Variants in TASOR2 observed in about 807,000 individuals in gnomAD.
TASOR2 encodes the protein transcription activation suppressor family member 2, also known as protein TASOR 2.
Under a neutral mutation model 199.5 loss-of-function variants are expected in TASOR2, and 84 were observed. The observed-to-expected ratio is 0.42, with a 90% CI of 0.35 to 0.50. The LOEUF (loss-of-function observed/expected upper bound fraction) is 0.50, where lower values mean the gene tolerates loss of function less well. Among genes scored for constraint, TASOR2 ranks in the 20% least tolerant of loss-of-function variants. The pLI is 0.02. For synonymous variants in TASOR2, 1,103 were observed against 1,046.6 expected, an observed-to-expected ratio of 1.05 and a Z score of -1.04; for missense variants, 2,796 against 2,835.9, an observed-to-expected ratio of 0.99 and a Z score of 0.32.
Position 5,720,840 on chromosome 10 carries a change from A to C in TASOR2, c.47-31A>C. The C allele has an allele frequency of 6.3e-7, 1 of 1,594,260 alleles. No individual in the cohort carries two copies. On this transcript the variant is annotated intron_variant, in intron 5 of 20. Transcript: ENST00000328090. The surrounding 1 kb of genome is among the most constrained non-coding windows in gnomAD (Gnocchi z 5.3). The stretch of plus-strand genomic sequence containing the variant: ...TTGAGTAAATGTTTCATCATAAATA[A>C]TCAGTTTCTTTTTTACCTTCATTTC...
rs774188284 is a variant in TASOR2, at chr10:5,730,907, T to C, written c.908T>C (p.Met303Thr). The C allele has an allele frequency of 2.2e-5, 35 of 1,614,222 alleles. 2 individuals are homozygous for C. The South Asian group carries it at 3.2e-4, about 15-fold the overall frequency. Reference sequence around the variant, plus strand: ...TGTGATGCTGGATTTTCCTTAGTTATGACTCCAGATCCTGAATTTCTTGTC... The same window carrying C: ...TGTGATGCTGGATTTTCCTTAGTTACGACTCCAGATCCTGAATTTCTTGTC... Residue 303 changes from methionine (M) to threonine (T), a missense_variant, in exon 11 of 21, where the codon ATG becomes ACG. By Grantham distance (81) the Met-to-Thr change is moderately conservative. Transcript: ENST00000328090. This position sits in a 1 kb window ranked among gnomAD's most constrained non-coding sequence, Gnocchi z 4.1.
Position 5,748,299 on chromosome 10 carries a change from T to C in TASOR2, c.4878T>C (p.Asp1626=), listed in dbSNP as rs1458918187. ...TCTTTCCCGGTGATTTGAAAACAGA[T>C]GAAGGCATTTATCTGCAGGTGAAGT... The change falls in exon 15 of 21, where the codon GAT becomes GAC. Residue 1626 remains aspartate, a synonymous_variant. Coordinates refer to ENST00000328090, the Ensembl canonical transcript of TASOR2. This position sits in a 1 kb window ranked among gnomAD's most constrained non-coding sequence, Gnocchi z 5.1. The C allele has an allele frequency of 1.2e-6, 2 of 1,614,104 alleles. No homozygotes were observed. The highest frequency in any genetic ancestry group is 1.7e-6 in the Non-Finnish European group (2 of 1,180,050).
Position 5,730,394 on chromosome 10 carries a change from C to G in TASOR2, c.488-93C>G, listed in dbSNP as rs1273725323. On this transcript the variant is annotated intron_variant, in intron 10 of 20. Coordinates refer to ENST00000328090, the Ensembl canonical transcript of TASOR2. The surrounding 1 kb of genome is among the most constrained non-coding windows in gnomAD (Gnocchi z 4.1). ...GAAATACTATAACATATTTAACCAT[C>G]ACATAATTTTGAAATCTAAAGCTTT... The G allele has an allele frequency of 2.1e-6, 2 of 931,088 alleles. No homozygotes were observed. The highest frequency in any genetic ancestry group is 3.2e-6 in the Non-Finnish European group (2 of 628,410). The allele number at this position is 931,088 out of a possible 1,614,324, so 57.7% of individuals were successfully genotyped here.
At chr10:5,703,480 T>C (rs187383571) in intron 1 of TASOR2, among the ~76,000 whole-genome samples, 54 of 151,052 alleles carry the variant, frequency 3.6e-4, no homozygotes, top group Admixed American at 2.2e-3. Context: ...ATTTTATATA[T>C]ATTGCTAGTT....
At chr10:5,762,843 C>T (rs146389061) in intron 20 of TASOR2, 186 bp from the exon 22 acceptor site, 4 of 633,162 alleles carry the variant, frequency 6.3e-6, no homozygotes, top group Non-Finnish European at 1.1e-5. Context: ...ATGAAGTAAC[C>T]ATCTACTAAA....
At chr10:5,723,043 CTTTTTTT>C (rs1183983010) in intron 6 of TASOR2, among the ~76,000 whole-genome samples, 5 of 72,896 alleles carry the variant, frequency 6.9e-5, no homozygotes, top group Non-Finnish European at 1.2e-4. Context: ...CAGGAAATAA[CTTTTTTT>C]TTTTTTTTTT....
rs757845007 is a variant in TASOR2 at position 5,740,101 on chromosome 10, C to T, written c.1931C>T (p.Ala644Val). The stretch of plus-strand genomic sequence containing the variant: ...GAGGAAATGCTAGAATCTTCAGATG[C>T]AAGCCAAAGCTCTTCTGTTTCTGTG... The change falls in exon 13 of 21, where the codon GCA becomes GTA. Residue 644 changes from alanine to valine, a missense_variant. Ala to Val is a moderately conservative substitution (Grantham distance 64, BLOSUM62 0). Transcript: ENST00000328090. The surrounding 1 kb of genome is among the most constrained non-coding windows in gnomAD (Gnocchi z 5.3). 2 of 1,614,082 alleles carry T rather than the reference C, an allele frequency of 1.2e-6. No homozygotes were observed. Among genetic ancestry groups the T allele is most frequent in the Admixed American group, 1.7e-5 (1 of 60,008 alleles).
rs1836296125 is a variant in TASOR2, at chr10:5,690,462, C to G, written c.-288+5287C>G. 6.6e-6 allele frequency among the ~76,000 whole-genome samples: 1 copy of G among 152,194 alleles called. No homozygotes were observed. The highest frequency in any genetic ancestry group is 1.5e-5 in the Non-Finnish European group (1 of 68,034). ...CAAGATCCCAATGCCTGAGGTTTGT[C>G]CAGTTGGGGCACCTACTTTACCCTT... On this transcript the variant is annotated intron_variant, in intron 1 of 20. Coordinates refer to ENST00000328090, the Ensembl canonical transcript of TASOR2. This position sits in a 1 kb window ranked among gnomAD's most constrained non-coding sequence, Gnocchi z 4.8.
At chr10:5,708,007 G>T (rs1263472671) in intron 1 of TASOR2, among the ~76,000 whole-genome samples, 1 of 152,024 alleles carries the variant, frequency 6.6e-6, no homozygotes, top group African/African-American at 2.4e-5. Flanking sequence ...TATCAACATA[G>T]CTACTTTTCC....
chr10:5,757,196 C>T (rs1472939871), intron 16 of TASOR2, among the ~76,000 whole-genome samples: 2 of 152,238 alleles, frequency 1.3e-5, no homozygotes, highest in South Asian at 2.1e-4. Context: ...GAGCTGGAGA[C>T]GAATGACGGC....
rs1835839105 is a variant in TASOR2, at chr10:5,737,800, A to G, written c.1448-1818A>G. 6.6e-6 allele frequency among the ~76,000 whole-genome samples: 1 copy of G among 152,194 alleles called. No individual in the cohort carries two copies. The highest frequency in any genetic ancestry group is 1.5e-5 in the Non-Finnish European group (1 of 68,038). On this transcript the variant is annotated intron_variant, in intron 12 of 20. Transcript: ENST00000328090. This position sits in a 1 kb window ranked among gnomAD's most constrained non-coding sequence, Gnocchi z 4.9. The stretch of plus-strand genomic sequence containing the variant: ...TGTACTGAATTGGCTTCAGATGTTT[A>G]TTGACAAATTGATTAATGCGAGGAG...
rs113907148 is a variant in TASOR2 at position 5,698,631 on chromosome 10, G to A, written c.-288+13456G>A. Reference sequence around the variant, plus strand: ...TCTATGGCTGTTTTTATGCTCTACCGGTAGAGATGAGTAGTTGTGACAGAG... The same window carrying A: ...TCTATGGCTGTTTTTATGCTCTACCAGTAGAGATGAGTAGTTGTGACAGAG... On this transcript the variant is annotated intron_variant, in intron 1 of 20. Coordinates refer to ENST00000328090, the Ensembl canonical transcript of TASOR2. The surrounding 1 kb of genome is among the most constrained non-coding windows in gnomAD (Gnocchi z 4.4). 1.8e-3 allele frequency among the ~76,000 whole-genome samples: 274 copies of A among 152,168 alleles called. 2 individuals carry two copies. Among genetic ancestry groups the A allele is most frequent in the Non-Finnish European group, 3.0e-3 (203 of 68,002 alleles).
At chr10:5,709,906 C>T (rs1026444617) in intron 1 of TASOR2, among the ~76,000 whole-genome samples, 6 of 152,142 alleles carry the variant, frequency 3.9e-5, no homozygotes, top group African/African-American at 1.2e-4. Context: ...CTCACATGCT[C>T]TTTATTCATC....
chr10:5,728,131 G>C (rs1354423101), intron 10 of TASOR2, among the ~76,000 whole-genome samples: 1 of 151,586 alleles, frequency 6.6e-6, no homozygotes, highest in Non-Finnish European at 1.5e-5. Flanking sequence ...TCAGGTGGGA[G>C]GATCGCTTGA....
chr10:5,743,113 T>C (rs2131618265), intron 14 of TASOR2, among the ~76,000 whole-genome samples: 1 of 152,346 alleles, frequency 6.6e-6, no homozygotes, highest in African/African-American at 2.4e-5. Flanking sequence ...GGAGCAAATC[T>C]AAAAGTTGTT....
At chr10:5,705,413 G>A (rs1338916083) in intron 1 of TASOR2, among the ~76,000 whole-genome samples, 1 of 152,126 alleles carries the variant, frequency 6.6e-6, no homozygotes, top group Non-Finnish European at 1.5e-5. Flanking sequence ...GTTGCTTCCA[G>A]TTTTAGGCTA....
chr10:5,745,079 A>G (rs1836992007), intron 14 of TASOR2, among the ~76,000 whole-genome samples: 2 of 152,206 alleles, frequency 1.3e-5, no homozygotes, highest in South Asian at 4.1e-4. Flanking sequence ...ATTTTATTAT[A>G]TGCTCGACAA....
rs1362211019 is a variant in TASOR2, at chr10:5,730,180, C to T, written c.488-307C>T. ...TACTGCTGTGATGAACCATTGAGCT[C>T]ATGAGCTCCTTGTTAGGTGAGATGG... is the stretch of plus-strand genomic sequence containing the variant. On this transcript the variant is annotated intron_variant, in intron 10 of 20. Coordinates refer to ENST00000328090, the Ensembl canonical transcript of TASOR2. This position sits in a 1 kb window ranked among gnomAD's most constrained non-coding sequence, Gnocchi z 4.1. Among the ~76,000 whole-genome samples, 1 of 152,178 alleles carries T rather than the reference C, an allele frequency of 6.6e-6. No individual in the cohort carries two copies. Among genetic ancestry groups the T allele is most frequent in the African/African-American group, 2.4e-5 (1 of 41,442 alleles).
At position 5,762,486 on chromosome 10, in the gene TASOR2, ACATT is replaced by A. The variant is rs1353026312; in HGVS notation, c.7175-45_7175-42del. ...AAACCAGGTCCTGTTATATAAAAGT[ACATT>A]AATTATATTAACCAAAAGTTGTTTT... On this transcript the variant is annotated intron_variant, in intron 19 of 20. Coordinates refer to ENST00000328090, the Ensembl canonical transcript of TASOR2. The A allele has an allele frequency of 6.0e-6, 3 of 498,566 alleles. 1 individual carries two copies. The highest frequency in any genetic ancestry group is 9.7e-6 in the Non-Finnish European group (3 of 307,978). The allele number at this position is 498,566 out of a possible 1,614,324, so 30.9% of individuals were successfully genotyped here. A position where few individuals can be genotyped will look rare whatever the true frequency, so the allele number is the denominator to read the frequency against.
Sources: allele counts gnomAD v4.1 joint callset (sites outside exome capture counted in the v4.1 genomes callset), GRCh38; gene constraint gnomAD v4.1.1; non-coding constraint Gnocchi (gnomAD v3.1); transcripts MANE v1.5; gene names NCBI Gene and HGNC (gene_info 2026-07-23, HGNC 2026-07-21).